Variants in MOB1B observed in about 807,000 individuals in gnomAD.
MOB1B encodes MOB kinase activator 1B.
In MOB1B, 19 loss-of-function variants were observed where a neutral mutation model predicts 24.4. That is an observed-to-expected ratio of 0.78 (90% CI 0.54 to 1.14). MOB1B has a LOEUF of 1.14. Among genes scored for constraint, MOB1B ranks in the 50% most tolerant of loss-of-function variants. MOB1B has a pLI of 0.00. For synonymous variants in MOB1B, 76 were observed against 82.1 expected, an observed-to-expected ratio of 0.93 and a Z score of 0.40; for missense variants, 243 against 259.6, an observed-to-expected ratio of 0.94 and a Z score of 0.44.
At chr4:70,965,073 G>A (rs182201303) in intron 2 of MOB1B, among the ~76,000 whole-genome samples, 5 of 152,036 alleles carry the variant, frequency 3.3e-5, no homozygotes, top group Admixed American at 3.3e-4. Context: ...CGAGGTAGGT[G>A]GATACTTGAG....
chr4:70,934,894 T>C (rs1290706627), intron 1 of MOB1B, among the ~76,000 whole-genome samples: 1 of 151,892 alleles, frequency 6.6e-6, no homozygotes, highest in African/African-American at 2.4e-5. Flanking sequence ...TTAAATTCTT[T>C]TCTTATAATT....
chr4:70,945,901 AAGG>A (rs949414604), intron 1 of MOB1B, among the ~76,000 whole-genome samples: 1 of 151,970 alleles, frequency 6.6e-6, no homozygotes. Context: ...TGTATGAGAT[AAGG>A]AGAAGTAGGC....
At chr4:70,926,729 G>A (rs984249902) in intron 1 of MOB1B, among the ~76,000 whole-genome samples, 1 of 152,100 alleles carries the variant, frequency 6.6e-6, no homozygotes, top group Non-Finnish European at 1.5e-5. Context: ...AAGATGTGCC[G>A]GGCGCAGTGG....
In MOB1B at chr4:70,976,302, GGAA is replaced by G; in HGVS notation, c.409+1018_409+1020del. On this transcript the variant is annotated intron_variant, in intron 4 of 5. Transcript: ENST00000309395. ...GCCACAGTTGTATCTACTTATTTAG[GGAA>G]GTTCATATGGCTTCTATCCAGTGTT... 3.0e-6 allele frequency: 3 copies of G among 984,866 alleles called. 1 individual carries two copies. The South Asian group carries it at 1.4e-4, about 46-fold the overall frequency. The allele number at this position is 984,866 out of a possible 1,614,324, so 61.0% of individuals were successfully genotyped here. A position where few individuals can be genotyped will look rare whatever the true frequency, so the allele number is the denominator to read the frequency against.
In MOB1B at chr4:70,915,277, T is replaced by C. The variant is rs559152325; in HGVS notation, c.14+12727T>C. Among the ~76,000 whole-genome samples, 8 of 152,290 alleles carry C rather than the reference T, an allele frequency of 5.3e-5. 1 individual carries two copies. Among genetic ancestry groups the C allele is most frequent in the African/African-American group, 1.9e-4 (8 of 41,572 alleles). Reference sequence around the variant, plus strand: ...GTAATAGTGTCATCGGTGGAGGGTGTCCAGGTTCTTGACATCTTGAACAAA... The same window carrying C: ...GTAATAGTGTCATCGGTGGAGGGTGCCCAGGTTCTTGACATCTTGAACAAA... On this transcript the variant is annotated intron_variant, in intron 1 of 5. Transcript: ENST00000309395.
chr4:70,931,630 T>A (rs967732220), intron 1 of MOB1B, among the ~76,000 whole-genome samples: 1 of 152,188 alleles, frequency 6.6e-6, no homozygotes, highest in Admixed American at 6.5e-5. Flanking sequence ...GTTTTATGAT[T>A]TTCTGAGGTC....
At chr4:70,942,666 G>T (rs1222640937) in intron 1 of MOB1B, among the ~76,000 whole-genome samples, 1 of 152,164 alleles carries the variant, frequency 6.6e-6, no homozygotes, top group Non-Finnish European at 1.5e-5. Flanking sequence ...GAAATTAAAT[G>T]TGAAGCTCAT....
Position 70,984,706 on chromosome 4 carries a change from TTTAA to T in MOB1B, c.*2652_*2655del, listed in dbSNP as rs1263134338. Reference sequence around the variant, plus strand: ...ATACGAAGCAATGTTTTGGAATTACTTTAATTGATGGAGTAGTGGTGGTAGAGAG... The same window carrying T: ...ATACGAAGCAATGTTTTGGAATTACTTTGATGGAGTAGTGGTGGTAGAGAG... On this transcript the variant is annotated 3_prime_UTR_variant, in exon 6 of 6. Transcript: ENST00000309395. 7 of 152,290 alleles carry T rather than the reference TTTAA, an allele frequency of 4.6e-5. No individual in the cohort carries two copies. The highest frequency in any genetic ancestry group is 1.4e-4 in the African/African-American group (6 of 41,570). 9.4% of individuals were successfully genotyped at this position (152,290 alleles called of 1,614,324 possible).
intron 1 of MOB1B, among the ~76,000 whole-genome samples, chr4:70,931,472 A>T (rs866198439): frequency 1.1e-4 from 16 of 152,204 alleles, no homozygotes; most frequent in Non-Finnish European, 2.1e-4. Flanking sequence ...TTCTTCCTAA[A>T]CATGTTAGAG....
chr4:70,968,622 T>C (rs1337007625), intron 2 of MOB1B, among the ~76,000 whole-genome samples: 1 of 152,162 alleles, frequency 6.6e-6, no homozygotes, highest in African/African-American at 2.4e-5. Context: ...CATTTTACTT[T>C]ATTCTTTTTT....
intron 5 of MOB1B, among the ~76,000 whole-genome samples, chr4:70,980,630 C>T (rs1739174795): frequency 6.6e-6 from 1 of 152,180 alleles, no homozygotes; most frequent in Non-Finnish European, 1.5e-5. Flanking sequence ...TGCACCCCTC[C>T]CCACAGAGTG....
chr4:70,971,475 A>G (rs930882064), intron 3 of MOB1B, among the ~76,000 whole-genome samples: 15 of 150,938 alleles, frequency 9.9e-5, no homozygotes, highest in African/African-American at 3.7e-4. Flanking sequence ...TGTGTACTCC[A>G]GCCTGAATGA....
intron 1 of MOB1B, among the ~76,000 whole-genome samples, chr4:70,935,619 T>C (rs1331150090): frequency 6.6e-6 from 1 of 152,106 alleles, no homozygotes; most frequent in African/African-American, 2.4e-5. Flanking sequence ...GTATTTTCCT[T>C]TTCTCTCACT....
At chr4:70,978,346 G>A (rs1441532406) in intron 4 of MOB1B, among the ~76,000 whole-genome samples, 1 of 152,188 alleles carries the variant, frequency 6.6e-6, no homozygotes, top group Non-Finnish European at 1.5e-5. Context: ...CACCTGGGTT[G>A]TTTCCATATC....
rs1442449191 is a variant in MOB1B at position 70,903,711 on chromosome 4, ACT to A, written c.14+1164_14+1165del. ...CGTCTGAATACTGAGAATTTAATTC[ACT>A]CTTATTTTCACATGCTCACATCTAG... is the stretch of plus-strand genomic sequence containing the variant. On this transcript the variant is annotated intron_variant, in intron 1 of 5. Coordinates refer to ENST00000309395, the MANE Select transcript of MOB1B (RefSeq NM_173468.4). Among the ~76,000 whole-genome samples, 5 of 151,784 alleles carry A rather than the reference ACT, an allele frequency of 3.3e-5. No individual in the cohort carries two copies. In the East Asian group the frequency reaches 9.7e-4, roughly 29 times the overall value.
rs1739298740 is a variant in MOB1B at position 70,983,932 on chromosome 4, A to T, written c.*1875A>T. ...ATTCAGATAGATAATATGAATCATT[A>T]TGGGTTGATTCAGAAATAAAATTTG... On this transcript the variant is annotated 3_prime_UTR_variant, in exon 6 of 6. Transcript: ENST00000309395. The T allele has an allele frequency of 6.6e-6, 1 of 152,596 alleles. No homozygotes were observed. The highest frequency in any genetic ancestry group is 6.5e-5 in the Admixed American group (1 of 15,280). The allele number at this position is 152,596 out of a possible 1,614,324, so 9.5% of individuals were successfully genotyped here.
chr4:70,927,161 T>C (rs1171222631), intron 1 of MOB1B, among the ~76,000 whole-genome samples: 2 of 152,194 alleles, frequency 1.3e-5, no homozygotes, highest in African/African-American at 2.4e-5. Context: ...CTGCAAGATA[T>C]TGCATTGAGT....
rs11331194 is a variant in MOB1B, at chr4:70,946,084, CTTTTTTTTTTTTTTT to C, written c.15-12782_15-12768del. On this transcript the variant is annotated intron_variant, in intron 1 of 5. Transcript: ENST00000309395. The stretch of plus-strand genomic sequence containing the variant: ...TTGGCTAAGCTGGTTTTTGTTTGTT[CTTTTTTTTTTTTTTT>C]TTTTTTTGGCCAAAGTTTAAGTAGG... Among the ~76,000 whole-genome samples the C allele has an allele frequency of 8.2e-5, 7 of 85,390 alleles. No individual in the cohort carries two copies. In the East Asian group the frequency reaches 2.5e-3, roughly 30 times the overall value. The allele number at this position is 85,390 out of a possible 152,430, so 56.0% of individuals were successfully genotyped here. A position where few individuals can be genotyped will look rare whatever the true frequency, so the allele number is the denominator to read the frequency against.
rs141485235 is a variant in MOB1B, at chr4:70,966,303, G to A, written c.182-3628G>A. Among the ~76,000 whole-genome samples, 692 of 151,942 alleles carry A rather than the reference G, an allele frequency of 4.6e-3. 6 individuals carry two copies. The highest frequency in any genetic ancestry group is 0.016 in the African/African-American group (653 of 41,436). Reference sequence around the variant, plus strand: ...CTCACACCTGTAATCCCAGTGCTTTGGGAGGCCAAGGTGGAAGGATTGCTT... The same window carrying A: ...CTCACACCTGTAATCCCAGTGCTTTAGGAGGCCAAGGTGGAAGGATTGCTT... On this transcript the variant is annotated intron_variant, in intron 2 of 5. Coordinates refer to ENST00000309395, the MANE Select transcript of MOB1B (RefSeq NM_173468.4).
Sources: allele counts gnomAD v4.1 joint callset (sites outside exome capture counted in the v4.1 genomes callset), GRCh38; gene constraint gnomAD v4.1.1; transcripts MANE v1.5; gene names NCBI Gene and HGNC (gene_info 2026-07-23, HGNC 2026-07-21).